EPAS1: variants seen among roughly 807,000 people sequenced by gnomAD.
EPAS1 encodes the protein endothelial PAS domain protein 1.
In EPAS1, 23 loss-of-function variants were observed where a neutral mutation model predicts 87.9. That is an observed-to-expected ratio of 0.26 (90% CI 0.19 to 0.37). EPAS1 has a LOEUF of 0.37. Among genes scored for constraint, EPAS1 ranks in the 10% least tolerant of loss-of-function variants. EPAS1 has a pLI of 1.00. For synonymous variants in EPAS1, 508 were observed against 444.3 expected (o/e 1.14, Z -1.80); for missense variants, 1,138 against 1,120.7 (o/e 1.02, Z -0.22).
At chr2:46,301,913 G>GA (rs1245027573) in intron 1 of EPAS1, among the ~76,000 whole-genome samples, 13 of 151,496 alleles carry the variant, frequency 8.6e-5, no homozygotes, top group East Asian at 1.9e-4. Context: ...GTTTTAGTTA[G>GA]AAAAAAATCT....
intron 10 of EPAS1, 117 bp from the exon 11 acceptor site, chr2:46,378,540 T>G: frequency 1.2e-6 from 1 of 824,536 alleles, no homozygotes; most frequent in South Asian, 1.4e-5. Flanking sequence ...CAAATAGTTG[T>G]GTGGTGGAAT....
intron 1 of EPAS1, among the ~76,000 whole-genome samples, chr2:46,310,770 T>A (rs530250715): frequency 2.0e-5 from 3 of 152,188 alleles, no homozygotes; most frequent in Admixed American, 2.0e-4. Flanking sequence ...GGCCAGCGGG[T>A]CTCATCCAAG....
intron 1 of EPAS1, among the ~76,000 whole-genome samples, chr2:46,325,275 A>G (rs1447097845): frequency 2.0e-5 from 3 of 152,214 alleles, no homozygotes; most frequent in African/African-American, 4.8e-5. Flanking sequence ...GCCCTTGGGA[A>G]TTTTTTAGAT....
At chr2:46,369,184 G>A (rs1684569295) in intron 6 of EPAS1, among the ~76,000 whole-genome samples, 2 of 152,140 alleles carry the variant, frequency 1.3e-5, no homozygotes, top group East Asian at 1.9e-4. Flanking sequence ...TCCTTGAAAT[G>A]TGAGGCACAA....
chr2:46,370,754 A>T (rs1467952269), intron 7 of EPAS1, among the ~76,000 whole-genome samples: 1 of 152,206 alleles, frequency 6.6e-6, no homozygotes, highest in Non-Finnish European at 1.5e-5. Context: ...TTGGACAGAG[A>T]AGTTCTAGAG....
At position 46,319,864 on chromosome 2, in the gene EPAS1, C is replaced by G. The variant is rs188286802; in HGVS notation, c.26+21927C>G. 3.3e-5 allele frequency among the ~76,000 whole-genome samples: 5 copies of G among 152,274 alleles called. No individual in the cohort carries two copies. The East Asian group carries it at 9.6e-4, about 29-fold the overall frequency. On this transcript the variant is annotated intron_variant, in intron 1 of 15. Coordinates refer to ENST00000263734, the MANE Select transcript of EPAS1 (RefSeq NM_001430.5). ...TCAAGACAAATCGTTTCCTAAAGCT[C>G]TCTTTTTCAGATTTCTTGTCTATGT...
chr2:46,353,305 G>A (rs1562452), intron 2 of EPAS1, among the ~76,000 whole-genome samples: 94,883 of 152,162 alleles, frequency 0.62, 31,776 homozygotes, highest in East Asian at 0.88. Flanking sequence ...CAGGGTCAGC[G>A]TCACCTGGGA....
intron 10 of EPAS1, 70 bp from the exon 11 acceptor site, chr2:46,378,587 T>C (rs1684810717): frequency 7.4e-7 from 1 of 1,348,844 alleles, no homozygotes; most frequent in Non-Finnish European, 1.1e-6. Context: ...GTATTTCTTC[T>C]TCCATGCTGG....
chr2:46,339,588 T>G (rs1459358572), intron 1 of EPAS1, among the ~76,000 whole-genome samples: 1 of 152,266 alleles, frequency 6.6e-6, no homozygotes, highest in South Asian at 2.1e-4. Flanking sequence ...CCAGATTCAC[T>G]CACGAGTGTT....
At chr2:46,307,427 T>C (rs1439592654) in intron 1 of EPAS1, among the ~76,000 whole-genome samples, 1 of 152,232 alleles carries the variant, frequency 6.6e-6, no homozygotes, top group Non-Finnish European at 1.5e-5. Flanking sequence ...AGAGAGCTTC[T>C]ATAAATGTAA....
chr2:46,377,779 C>A lies in EPAS1; in HGVS notation c.1250-115C>A, dbSNP rs1684789398. 4 of 1,537,574 alleles carry A rather than the reference C, an allele frequency of 2.6e-6. No individual in the cohort carries two copies. In the East Asian group the frequency reaches 9.8e-5, roughly 38 times the overall value. On this transcript the variant is annotated intron_variant, in intron 9 of 15. Transcript: ENST00000263734. ...CCCAGGGTGTTGGGGGGGCCTAGCC[C>A]CAGGCATGCCTTCCAGACCCTCTTA...
chr2:46,376,407 T>C, intron 8 of EPAS1, 132 bp from the exon 9 acceptor site: 1 of 837,236 alleles, frequency 1.2e-6, no homozygotes, highest in Non-Finnish European at 2.1e-6. Context: ...TGGTTCTTTA[T>C]AAGACGCCAA....
At chr2:46,324,070 T>C (rs1452708305) in intron 1 of EPAS1, among the ~76,000 whole-genome samples, 1 of 152,206 alleles carries the variant, frequency 6.6e-6, no homozygotes, top group Non-Finnish European at 1.5e-5. Flanking sequence ...ATGGTTTTTT[T>C]GTTTGTTTGT....
intron 10 of EPAS1, 53 bp from the exon 11 acceptor site, chr2:46,378,604 G>A: frequency 6.7e-7 from 1 of 1,491,890 alleles, no homozygotes; most frequent in Non-Finnish European, 9.3e-7. Flanking sequence ...CTGGACTTCT[G>A]GGGAGACCAG....
intron 1 of EPAS1, among the ~76,000 whole-genome samples, chr2:46,302,734 GAAAAAAAAAAAAAAA>G (rs368452487): frequency 1.7e-5 from 2 of 119,540 alleles, no homozygotes; most frequent in African/African-American, 3.3e-5. Context: ...GTCTGATTAG[GAAAAAAAAAAAAAAA>G]AAAAAAAAAG....
chr2:46,333,937 G>A lies in EPAS1; in HGVS notation c.27-12936G>A, dbSNP rs1683736916. Reference sequence around the variant, plus strand: ...ATAAAACACCACCAGAGCCAGAGGAGGCGTGTGCCCTGGGTGAAGTTTGTT... The same window carrying A: ...ATAAAACACCACCAGAGCCAGAGGAAGCGTGTGCCCTGGGTGAAGTTTGTT... On this transcript the variant is annotated intron_variant, in intron 1 of 15. Transcript: ENST00000263734. Among the ~76,000 whole-genome samples, 3 of 152,086 alleles carry A rather than the reference G, an allele frequency of 2.0e-5. No individual in the cohort carries two copies. The South Asian group carries it at 6.2e-4, about 32-fold the overall frequency.
intron 1 of EPAS1, among the ~76,000 whole-genome samples, chr2:46,306,411 G>C (rs2104838253): frequency 6.6e-6 from 1 of 152,280 alleles, no homozygotes; most frequent in South Asian, 2.1e-4. Context: ...AAGTGGACCT[G>C]GTTGTCCATG....
intron 1 of EPAS1, among the ~76,000 whole-genome samples, chr2:46,339,469 C>T (rs899365218): frequency 1.3e-5 from 2 of 152,214 alleles, no homozygotes; most frequent in Non-Finnish European, 1.5e-5. Flanking sequence ...GTTCCACATA[C>T]TCCCATTACC....
At chr2:46,353,345 A>G (rs963118630) in intron 2 of EPAS1, among the ~76,000 whole-genome samples, 7 of 152,230 alleles carry the variant, frequency 4.6e-5, no homozygotes, top group Non-Finnish European at 7.3e-5. Flanking sequence ...TCTCAGTTCT[A>G]CTGAACCAGG....
Sources: allele counts gnomAD v4.1 joint callset (sites outside exome capture counted in the v4.1 genomes callset), GRCh38; gene constraint gnomAD v4.1.1; transcripts MANE v1.5; gene names NCBI Gene and HGNC (gene_info 2026-07-23, HGNC 2026-07-21).